Variants in GLIS3 observed in about 807,000 individuals in gnomAD.
The protein encoded by GLIS3 is zinc finger protein GLIS3.
Under a neutral mutation model 78.6 loss-of-function variants are expected in GLIS3, and 53 were observed. That is an observed-to-expected ratio of 0.67 (90% CI 0.54 to 0.85). The LOEUF (loss-of-function observed/expected upper bound fraction) is 0.85, where lower values mean the gene tolerates loss of function less well. Among genes scored for constraint, GLIS3 ranks in the 40% least tolerant of loss-of-function variants. The probability of loss-of-function intolerance (pLI) is 0.00; values close to 1 mark genes in which losing one functional copy is unlikely to be tolerated. For missense variants in GLIS3, 1,703 were observed against 1,231.1 expected (o/e 1.38, Z -5.74); for synonymous variants, 684 against 509.9 (o/e 1.34, Z -4.60).
chr9:4,482,524 C>G, the GLIS3 span, among the ~76,000 whole-genome samples: 1 of 152,180 alleles, frequency 6.6e-6, no homozygotes, highest in Non-Finnish European at 1.5e-5. Flanking sequence ...CTGAAGGAGA[C>G]TCTGGTACTC....
At chr9:4,180,657 G>A (rs1817234326) in intron 2 of GLIS3, among the ~76,000 whole-genome samples, 3 of 152,120 alleles carry the variant, frequency 2.0e-5, no homozygotes, top group Middle Eastern at 3.4e-3. Flanking sequence ...CTTAAAAGGG[G>A]GTAGCATAAA....
chr9:4,364,886 C>T, the GLIS3 span, among the ~76,000 whole-genome samples: 3 of 151,298 alleles, frequency 2.0e-5, no homozygotes, highest in African/African-American at 7.3e-5. Context: ...TGGGCTCAAG[C>T]AATCCTCTTG....
chr9:4,416,650 G>A, the GLIS3 span, among the ~76,000 whole-genome samples: 1 of 151,752 alleles, frequency 6.6e-6, no homozygotes. Flanking sequence ...TAAATATGAA[G>A]TATTTGGCTG....
chr9:3,941,399 T>G (rs1815907280), intron 4 of GLIS3, among the ~76,000 whole-genome samples: 1 of 152,142 alleles, frequency 6.6e-6, no homozygotes, highest in African/African-American at 2.4e-5. Context: ...AATTATACTT[T>G]AAGTTTTAGG....
chr9:4,279,083 T>C (rs1335181617), intron 2 of GLIS3, among the ~76,000 whole-genome samples: 1 of 151,914 alleles, frequency 6.6e-6, no homozygotes, highest in Non-Finnish European at 1.5e-5. Flanking sequence ...AGGTGGATCA[T>C]GAGGTCAGGA....
At chr9:4,015,885 T>C (rs901631103) in intron 4 of GLIS3, among the ~76,000 whole-genome samples, 5 of 104,270 alleles carry the variant, frequency 4.8e-5, no homozygotes, top group Admixed American at 1.2e-4. Flanking sequence ...CGAGACTCTG[T>C]CTCAAAAAAA....
intron 7 of GLIS3, among the ~76,000 whole-genome samples, chr9:3,880,276 T>TA (rs1383107875): frequency 1.3e-5 from 2 of 152,110 alleles, no homozygotes; most frequent in East Asian, 3.9e-4. Context: ...AGAGAGTGAG[T>TA]TACAGTCCCA....
chr9:4,341,674 C>T (rs1282386955), intron 2 of GLIS3, among the ~76,000 whole-genome samples: 1 of 152,212 alleles, frequency 6.6e-6, no homozygotes, highest in Non-Finnish European at 1.5e-5. Context: ...GTCTTACAAC[C>T]AGTGCCTCTG....
intron 2 of GLIS3, among the ~76,000 whole-genome samples, chr9:4,257,531 G>A (rs1388540106): frequency 2.0e-5 from 3 of 152,006 alleles, no homozygotes; most frequent in Non-Finnish European, 4.4e-5. Flanking sequence ...TAAGATGATA[G>A]ACATGTTAAT....
chr9:4,468,282 G>C, the GLIS3 span, among the ~76,000 whole-genome samples: 1 of 152,116 alleles, frequency 6.6e-6, no homozygotes, highest in East Asian at 1.9e-4. Context: ...GAAATACAGA[G>C]AATGCCACAA....
At chr9:4,205,771 A>G (rs1025300148) in intron 2 of GLIS3, among the ~76,000 whole-genome samples, 2 of 152,256 alleles carry the variant, frequency 1.3e-5, no homozygotes, top group African/African-American at 2.4e-5. Context: ...TGTTCCAACA[A>G]GACAAGACTA....
intron 4 of GLIS3, among the ~76,000 whole-genome samples, chr9:4,014,466 TAAG>T (rs530973453): frequency 1.3e-5 from 2 of 152,060 alleles, no homozygotes; most frequent in African/African-American, 4.8e-5. Context: ...GGTGTTTTTA[TAAG>T]AAGAGGAGAG....
chr9:4,383,200 T>C, the GLIS3 span, among the ~76,000 whole-genome samples: 3 of 152,230 alleles, frequency 2.0e-5, no homozygotes, highest in Non-Finnish European at 4.4e-5. Flanking sequence ...TTGCACTTGC[T>C]TCTTGGCATT....
the GLIS3 span, among the ~76,000 whole-genome samples, chr9:4,379,134 T>C: frequency 6.6e-6 from 1 of 152,194 alleles, no homozygotes; most frequent in Non-Finnish European, 1.5e-5. Context: ...GGAAGGCGGA[T>C]ATGTTGTCCA....
chr9:4,260,892 A>G (rs1165773447), intron 2 of GLIS3, among the ~76,000 whole-genome samples: 1 of 152,230 alleles, frequency 6.6e-6, no homozygotes, highest in African/African-American at 2.4e-5. Flanking sequence ...CTAATACGGT[A>G]GCCACTAGCA....
At chr9:4,357,515 G>A in the GLIS3 span, among the ~76,000 whole-genome samples, 4 of 151,896 alleles carry the variant, frequency 2.6e-5, no homozygotes, top group Admixed American at 6.6e-5. Context: ...CTTGCTGACT[G>A]TAGATCTCGG....
the GLIS3 span, among the ~76,000 whole-genome samples, chr9:4,438,879 T>C: frequency 6.6e-6 from 1 of 152,206 alleles, no homozygotes; most frequent in African/African-American, 2.4e-5. Context: ...CCTTTATAAA[T>C]TACCTAGTCC....
the GLIS3 span, among the ~76,000 whole-genome samples, chr9:4,365,526 A>T: frequency 3.9e-5 from 6 of 152,100 alleles, no homozygotes; most frequent in African/African-American, 1.4e-4. Context: ...ACTGCACTCC[A>T]GCCTGGGTGA....
At chr9:4,275,118 A>AT (rs1587263750) in intron 2 of GLIS3, among the ~76,000 whole-genome samples, 1 of 152,218 alleles carries the variant, frequency 6.6e-6, no homozygotes, top group East Asian at 1.9e-4. Flanking sequence ...TAAAGACTTC[A>AT]TATAGATAGA....
Sources: gnomAD v4.1 joint callset for allele counts (sites outside exome capture counted in the v4.1 genomes callset) on GRCh38, gnomAD v4.1.1 for gene constraint, MANE v1.5 for transcripts, NCBI Gene and HGNC (gene_info 2026-07-23, HGNC 2026-07-21) for gene names.